Variants in CEP192 observed in about 807,000 individuals in gnomAD.
The protein encoded by CEP192 is centrosomal protein of 192 kDa.
CEP192 carries 151 observed loss-of-function variants against 271.8 expected under a neutral mutation model. The ratio of observed to expected loss-of-function variants is 0.56; its 90% CI spans 0.49 to 0.64. CEP192 has a LOEUF of 0.64. CEP192 is among the 30% of genes least tolerant of loss of function. CEP192 has a pLI of 0.00. For synonymous variants in CEP192, 995 were observed against 1,076.5 expected (o/e 0.92, Z 1.48); for missense variants, 2,910 against 3,020.5 (o/e 0.96, Z 0.86).
At position 13,103,530 on chromosome 18, in the gene CEP192, A is replaced by G. The variant is rs1221526721; in HGVS notation, c.6893A>G (p.Asn2298Ser). The G allele has an allele frequency of 1.2e-6, 2 of 1,614,018 alleles. No individual in the cohort carries two copies. The highest frequency in any genetic ancestry group is 4.5e-5 in the East Asian group (2 of 44,850). Residue 2298 changes from asparagine to serine, a missense_variant, in exon 39 of 45, where the codon AAT (asparagine) becomes AGT (serine). By Grantham distance (46) the Asn-to-Ser change is conservative. Coordinates refer to ENST00000506447, the MANE Select transcript of CEP192 (RefSeq NM_032142.4). Reference protein sequence around the residue: ...ETSESCLELENHGTTDVKWHL... With the variant: ...ETSESCLELESHGTTDVKWHL... ...TTAGAGAGCTGTCTAGAACTCGAGAATCATGGCACCACAGACGTGAAATGG... is the reference window on the plus strand; with the variant it reads ...TTAGAGAGCTGTCTAGAACTCGAGAGTCATGGCACCACAGACGTGAAATGG...
chr18:12,995,007 A>G (rs2033123276), intron 1 of CEP192, among the ~76,000 whole-genome samples: 1 of 151,954 alleles, frequency 6.6e-6, no homozygotes, highest in South Asian at 2.1e-4. Flanking sequence ...CAAATGAAAA[A>G]TCAGGGCAGG....
intron 30 of CEP192, among the ~76,000 whole-genome samples, chr18:13,073,702 C>T (rs963230749): frequency 6.6e-6 from 1 of 152,144 alleles, no homozygotes; most frequent in Non-Finnish European, 1.5e-5. Flanking sequence ...CCTTTTTGTC[C>T]CCACTCATCG....
chr18:13,119,690 G>A (rs1006484686), intron 44 of CEP192, among the ~76,000 whole-genome samples: 1 of 152,136 alleles, frequency 6.6e-6, no homozygotes, highest in Non-Finnish European at 1.5e-5. Flanking sequence ...AGTGAGCTGA[G>A]ATCACACCAC....
At chr18:13,082,432 C>CTTTTTTTTTTTTTT (rs57663388) in intron 30 of CEP192, among the ~76,000 whole-genome samples, 33 of 49,940 alleles carry the variant, frequency 6.6e-4, no homozygotes, top group East Asian at 1.5e-3. Flanking sequence ...GCAACCCCTG[C>CTTTTTTTTTTTTTT]TTTTTTTTTT....
intron 30 of CEP192, among the ~76,000 whole-genome samples, chr18:13,080,146 T>A (rs1291547723): frequency 6.6e-6 from 1 of 152,190 alleles, no homozygotes; most frequent in Non-Finnish European, 1.5e-5. Flanking sequence ...ATATGAACTT[T>A]AAAGTAGTTT....
chr18:13,070,754 C>T (rs74627054), intron 27 of CEP192, among the ~76,000 whole-genome samples: 6,626 of 152,308 alleles, frequency 0.044, 218 homozygotes, highest in East Asian at 0.14. Flanking sequence ...TGCTAGCCCT[C>T]AACCTCCCTG....
intron 9 of CEP192, among the ~76,000 whole-genome samples, chr18:13,025,335 G>T (rs964954919): frequency 2.6e-5 from 4 of 152,044 alleles, no homozygotes; most frequent in Admixed American, 2.0e-4. Context: ...TCCTGCCTCA[G>T]CCTTCTGAGC....
chr18:13,106,521 C>T (rs1049231100), intron 40 of CEP192, among the ~76,000 whole-genome samples: 15 of 149,516 alleles, frequency 1.0e-4, no homozygotes, highest in Admixed American at 1.0e-3. Flanking sequence ...CCACCACCAC[C>T]ACCACCACCA....
At position 13,038,706 on chromosome 18, in the gene CEP192, T is replaced by C; in HGVS notation, c.1809+127T>C. On this transcript the variant is annotated intron_variant, in intron 13 of 44. Coordinates refer to ENST00000506447, the MANE Select transcript of CEP192 (RefSeq NM_032142.4). ...ACAGAAGAGTGGTAAAAAACTTAGG[T>C]TTCATCATCAGTCAGACCTTTACTG... 2.8e-6 allele frequency: 2 copies of C among 726,264 alleles called. 1 individual carries two copies. The highest frequency in any genetic ancestry group is 4.6e-6 in the Non-Finnish European group (2 of 431,620). 45.0% of individuals were successfully genotyped at this position (726,264 alleles called of 1,614,324 possible).
At chr18:13,043,202 C>T (rs1407211536) in intron 15 of CEP192, among the ~76,000 whole-genome samples, 1 of 152,148 alleles carries the variant, frequency 6.6e-6, no homozygotes, top group Admixed American at 6.5e-5. Flanking sequence ...AAGTGCTGTC[C>T]AAGTCTGTTG....
chr18:13,086,267 A>G (rs2038891221), intron 30 of CEP192, among the ~76,000 whole-genome samples: 1 of 152,184 alleles, frequency 6.6e-6, no homozygotes, highest in Admixed American at 6.5e-5. Flanking sequence ...TTATCAGATT[A>G]AGGAGATTTT....
Position 13,056,572 on chromosome 18 carries a change from C to G in CEP192, c.3982C>G (p.Leu1328Val), listed in dbSNP as rs1305960710. Residue 1328 changes from leucine to valine, a missense_variant, in exon 19 of 45, where the codon CTC becomes GTC. Physicochemically the swap from Leu to Val is conservative, Grantham distance 32. Coordinates refer to ENST00000506447, the MANE Select transcript of CEP192 (RefSeq NM_032142.4). ...IGSGWMGTSS[L>V]CNPYSNTLNQ... Reference sequence around the variant, plus strand: ...CTCTGGATGGATGGGTACCTCTTCCCTCTGTAACCCATATTCTAATACCTT... The same window carrying G: ...CTCTGGATGGATGGGTACCTCTTCCGTCTGTAACCCATATTCTAATACCTT... 2 of 1,614,028 alleles carry G rather than the reference C, an allele frequency of 1.2e-6. No individual in the cohort carries two copies. The highest frequency in any genetic ancestry group is 2.7e-5 in the African/African-American group (2 of 74,930).
At chr18:13,001,740 A>G (rs1037446966) in intron 3 of CEP192, among the ~76,000 whole-genome samples, 158 bp downstream of exon 3, 3 of 152,174 alleles carry the variant, frequency 2.0e-5, no homozygotes, top group Non-Finnish European at 4.4e-5. Context: ...CACTCACTCC[A>G]TTGCCCAGGC....
At chr18:13,002,478 A>G (rs1168143603) in intron 3 of CEP192, among the ~76,000 whole-genome samples, 3 of 152,148 alleles carry the variant, frequency 2.0e-5, no homozygotes, top group Non-Finnish European at 2.9e-5. Context: ...CTACATGTAC[A>G]TTTATATATA....
At chr18:13,019,368 T>C (rs555825426) in intron 9 of CEP192, among the ~76,000 whole-genome samples, 162 bp downstream of exon 9, 1 of 152,346 alleles carries the variant, frequency 6.6e-6, no homozygotes, top group African/African-American at 2.4e-5. Flanking sequence ...TTTATAAGTA[T>C]CATACAATTA....
chr18:13,116,112 G>A (rs533849421), intron 42 of CEP192, among the ~76,000 whole-genome samples: 21 of 152,268 alleles, frequency 1.4e-4, no homozygotes, highest in Admixed American at 1.0e-3. Context: ...GAGGTAAAGG[G>A]CCACCTTCAT....
chr18:13,048,647 C>T (rs2036607363), intron 15 of CEP192, among the ~76,000 whole-genome samples: 1 of 152,128 alleles, frequency 6.6e-6, no homozygotes, highest in Non-Finnish European at 1.5e-5. Flanking sequence ...GTGATAAGTG[C>T]TTAGTTAAGA....
intron 11 of CEP192, among the ~76,000 whole-genome samples, chr18:13,036,337 C>T (rs1050554115): frequency 6.6e-6 from 1 of 152,088 alleles, no homozygotes; most frequent in African/African-American, 2.4e-5. Context: ...TCTAGGGTCG[C>T]AAAGGAGCAG....
chr18:13,092,517 G>C lies in CEP192; in HGVS notation c.6244G>C (p.Glu2082Gln). 1 of 1,604,628 alleles carries C rather than the reference G, an allele frequency of 6.2e-7. No homozygotes were observed. Among genetic ancestry groups the C allele is most frequent in the Non-Finnish European group, 8.5e-7 (1 of 1,176,344 alleles). ...TCAGCCTTCTTCCAAAGCTAGCTTGGAATCTACAAGGTAAAATAAATGAAC... is the reference window on the plus strand; with the variant it reads ...TCAGCCTTCTTCCAAAGCTAGCTTGCAATCTACAAGGTAAAATAAATGAAC... ...FLQPSSKASL[E>Q]STSDLGASGK... The change falls in exon 34 of 45, where the codon GAA becomes CAA. Residue 2082 changes from glutamate to glutamine, a missense_variant. Physicochemically the swap from Glu to Gln is conservative, Grantham distance 29 (BLOSUM62 2). Transcript: ENST00000506447.
Sources: gnomAD v4.1 joint callset for allele counts (sites outside exome capture counted in the v4.1 genomes callset) on GRCh38, gnomAD v4.1.1 for gene constraint, MANE v1.5 for transcripts, NCBI Gene and HGNC (gene_info 2026-07-23, HGNC 2026-07-21) for gene names.